GRIA1: variants seen among roughly 807,000 people sequenced by gnomAD.
The protein encoded by GRIA1 is glutamate receptor 1.
In GRIA1, 31 loss-of-function variants were observed where a neutral mutation model predicts 99.2. The ratio of observed to expected loss-of-function variants is 0.31; its 90% CI spans 0.23 to 0.42. GRIA1 has a LOEUF of 0.42. Ranked by LOEUF, GRIA1 falls within the 10% of genes least tolerant of loss-of-function variation. GRIA1 has a pLI of 1.00. For synonymous variants in GRIA1, 438 were observed against 432.4 expected (o/e 1.01, Z -0.16); for missense variants, 782 against 1,157.5 (o/e 0.68, Z 4.71).
intron 11 of GRIA1, among the ~76,000 whole-genome samples, chr5:153,742,316 C>T (rs895454108): frequency 6.6e-6 from 1 of 152,132 alleles, no homozygotes; most frequent in African/African-American, 2.4e-5. Context: ...ACAATAGTCA[C>T]GAGAAGTAGC....
intron 2 of GRIA1, among the ~76,000 whole-genome samples, chr5:153,554,650 T>C (rs5005059): frequency 0.47 from 70,891 of 151,934 alleles, 18,275 homozygotes; most frequent in Non-Finnish European, 0.59. Flanking sequence ...CCCACCAGCA[T>C]GCCAGGCTAA....
intron 13 of GRIA1, among the ~76,000 whole-genome samples, chr5:153,772,602 G>T (rs1763955098): frequency 6.6e-6 from 1 of 152,124 alleles, no homozygotes; most frequent in Non-Finnish European, 1.5e-5. Flanking sequence ...AGACATAATT[G>T]AATATGAACT....
At chr5:153,492,484 G>C (rs1213174303) in intron 1 of GRIA1, among the ~76,000 whole-genome samples, 1 of 152,160 alleles carries the variant, frequency 6.6e-6, no homozygotes, top group African/African-American at 2.4e-5. Context: ...GGTCATCTGG[G>C]GGGAAGGGGG....
At chr5:153,670,188 G>A (rs1756053523) in intron 5 of GRIA1, among the ~76,000 whole-genome samples, 1 of 152,140 alleles carries the variant, frequency 6.6e-6, no homozygotes, top group Non-Finnish European at 1.5e-5. Flanking sequence ...CGATTTATTA[G>A]TCACACATGG....
At chr5:153,634,751 G>T (rs910616202) in intron 2 of GRIA1, among the ~76,000 whole-genome samples, 1 of 152,198 alleles carries the variant, frequency 6.6e-6, no homozygotes, top group Admixed American at 6.5e-5. Context: ...TGAGACCATA[G>T]ATTACAAAAA....
At position 153,494,081 on chromosome 5, in the gene GRIA1, T is replaced by C. The variant is rs768402069; in HGVS notation, c.220+16T>C. The stretch of plus-strand genomic sequence containing the variant: ...ACCTATAGATGTAAGTAATTGCTTC[T>C]ATTTCTGAGATGTCTTTCTGCGCTA... On this transcript the variant is annotated intron_variant, in intron 2 of 15. Coordinates refer to ENST00000285900, the MANE Select transcript of GRIA1 (RefSeq NM_000827.4). 1 of 1,612,760 alleles carries C rather than the reference T, an allele frequency of 6.2e-7. No individual in the cohort carries two copies. The highest frequency in any genetic ancestry group is 8.5e-7 in the Non-Finnish European group (1 of 1,179,494).
intron 11 of GRIA1, among the ~76,000 whole-genome samples, chr5:153,749,915 T>G (rs925950972): frequency 1.3e-5 from 2 of 152,078 alleles, no homozygotes; most frequent in Non-Finnish European, 2.9e-5. Flanking sequence ...TACACCAGCT[T>G]ACAGAGTACT....
At chr5:153,680,572 T>C (rs769280211) in intron 7 of GRIA1, among the ~76,000 whole-genome samples, 4 of 152,146 alleles carry the variant, frequency 2.6e-5, no homozygotes, top group Non-Finnish European at 5.9e-5. Context: ...CTAGAATCCA[T>C]CCCAGGGCCT....
chr5:153,802,075 C>A (rs1394531294), intron 14 of GRIA1, among the ~76,000 whole-genome samples: 2 of 152,100 alleles, frequency 1.3e-5, no homozygotes, highest in African/African-American at 4.8e-5. Context: ...TGATATCTCT[C>A]ACCCTAGAAA....
At chr5:153,775,180 T>C (rs957791883) in intron 13 of GRIA1, among the ~76,000 whole-genome samples, 7 of 152,236 alleles carry the variant, frequency 4.6e-5, no homozygotes, top group African/African-American at 7.2e-5. Context: ...TTTATTATGA[T>C]GAATACTTCC....
chr5:153,730,112 T>G (rs1349312194), intron 11 of GRIA1, among the ~76,000 whole-genome samples: 3 of 152,160 alleles, frequency 2.0e-5, no homozygotes, highest in Admixed American at 2.0e-4. Context: ...ACATTGCTTC[T>G]GAAAATTTAT....
At chr5:153,707,741 A>G (rs1030539433) in intron 11 of GRIA1, among the ~76,000 whole-genome samples, 5 of 151,572 alleles carry the variant, frequency 3.3e-5, no homozygotes, top group Admixed American at 2.0e-4. Flanking sequence ...TTCCCTCAGG[A>G]CTTATTTGGC....
Position 153,794,929 on chromosome 5 carries a change from G to T in GRIA1, c.2385+194G>T, listed in dbSNP as rs188801208. Among the ~76,000 whole-genome samples the T allele has an allele frequency of 3.3e-3, 495 of 152,226 alleles. 4 individuals are homozygous for T. The highest frequency in any genetic ancestry group is 3.1e-3 in the Non-Finnish European group (209 of 68,006). ...CTACTTCTCTTCCAAGGGGCCTTCT[G>T]GTTTACCACAGTTTCCAGTCCCCAG... is the stretch of plus-strand genomic sequence containing the variant. On this transcript the variant is annotated intron_variant, in intron 14 of 15. Coordinates refer to ENST00000285900, the MANE Select transcript of GRIA1 (RefSeq NM_000827.4).
chr5:153,726,428 T>A (rs545796511), intron 11 of GRIA1, among the ~76,000 whole-genome samples: 1 of 148,168 alleles, frequency 6.7e-6, no homozygotes, highest in African/African-American at 2.5e-5. Context: ...CAAAAAACCC[T>A]TCAAAAAATT....
intron 11 of GRIA1, among the ~76,000 whole-genome samples, chr5:153,752,091 TA>T (rs1454658001): frequency 6.6e-6 from 1 of 152,210 alleles, no homozygotes; most frequent in African/African-American, 2.4e-5. Context: ...ATCATGATAG[TA>T]ACACCTTAAA....
At chr5:153,661,862 T>C (rs1313344287) in intron 5 of GRIA1, among the ~76,000 whole-genome samples, 1 of 152,332 alleles carries the variant, frequency 6.6e-6, no homozygotes, top group Admixed American at 6.5e-5. Flanking sequence ...CCACTTCATG[T>C]AGAGAGCCAG....
At chr5:153,716,360 A>T (rs563422316) in intron 11 of GRIA1, among the ~76,000 whole-genome samples, 1 of 152,314 alleles carries the variant, frequency 6.6e-6, no homozygotes, top group African/African-American at 2.4e-5. Flanking sequence ...CAAGACCAAC[A>T]ATCTTCTGAA....
intron 2 of GRIA1, among the ~76,000 whole-genome samples, chr5:153,579,259 A>C (rs1762838147): frequency 6.6e-6 from 1 of 152,256 alleles, no homozygotes; most frequent in South Asian, 2.1e-4. Flanking sequence ...TATGCTAATA[A>C]AAGATACTTT....
Position 153,780,621 on chromosome 5 carries a change from G to A in GRIA1, c.2270+10206G>A, listed in dbSNP as rs1764569589. On this transcript the variant is annotated intron_variant, in intron 13 of 15. Coordinates refer to ENST00000285900, the MANE Select transcript of GRIA1 (RefSeq NM_000827.4). ...CAAGTGTTAATTATCCTTATTTAATGTCTTTGAAGCTTAATTTTCTCATCT... is the reference window on the plus strand; with the variant it reads ...CAAGTGTTAATTATCCTTATTTAATATCTTTGAAGCTTAATTTTCTCATCT... Among the ~76,000 whole-genome samples the A allele has an allele frequency of 2.0e-5, 3 of 152,182 alleles. No individual in the cohort carries two copies. In the South Asian group the frequency reaches 6.2e-4, roughly 32 times the overall value.
Sources: gnomAD v4.1 joint callset for allele counts (sites outside exome capture counted in the v4.1 genomes callset) on GRCh38, gnomAD v4.1.1 for gene constraint, MANE v1.5 for transcripts, NCBI Gene and HGNC (gene_info 2026-07-23, HGNC 2026-07-21) for gene names.